The following SLC13A3 variants were observed in gnomAD, a reference collection of about 807,000 sequenced individuals.
The protein encoded by SLC13A3 is Na(+)/dicarboxylate cotransporter 3.
SLC13A3 carries 40 observed loss-of-function variants against 59.0 expected under a neutral mutation model. The observed-to-expected ratio is 0.68, with a 90% CI of 0.53 to 0.88. The LOEUF is 0.88. SLC13A3 is among the 40% of genes least tolerant of loss of function. The probability of loss-of-function intolerance (pLI) is 0.00; values close to 1 mark genes in which losing one functional copy is unlikely to be tolerated. For synonymous variants in SLC13A3, 317 were observed against 330.3 expected (o/e 0.96, Z 0.44); for missense variants, 699 against 783.2 (o/e 0.89, Z 1.28).
At chr20:46,639,091 A>G (rs528757155) in intron 1 of SLC13A3, among the ~76,000 whole-genome samples, 2 of 152,226 alleles carry the variant, frequency 1.3e-5, no homozygotes, top group South Asian at 4.2e-4. Flanking sequence ...TTCACAGATG[A>G]AGAAACTGAA....
chr20:46,594,046 G>C (rs1430065127), intron 5 of SLC13A3, among the ~76,000 whole-genome samples: 1 of 151,972 alleles, frequency 6.6e-6, no homozygotes, highest in Admixed American at 6.6e-5. Context: ...CTCTCCCCAG[G>C]CTTCTCCTGT....
At chr20:46,562,724 T>C (rs1235545872) in intron 12 of SLC13A3, among the ~76,000 whole-genome samples, 4 of 152,078 alleles carry the variant, frequency 2.6e-5, no homozygotes, top group Admixed American at 2.6e-4. Context: ...AACGAACAAA[T>C]CAATGAGTCT....
chr20:46,584,199 T>C, intron 8 of SLC13A3: 3 of 985,376 alleles, frequency 3.0e-6, no homozygotes, highest in Non-Finnish European at 3.6e-6. Flanking sequence ...TTTGCGCACA[T>C]TAAGCCCTCG....
At chr20:46,574,687 G>C (rs1329946855) in intron 10 of SLC13A3, among the ~76,000 whole-genome samples, 4 of 152,138 alleles carry the variant, frequency 2.6e-5, no homozygotes, top group Non-Finnish European at 5.9e-5. Flanking sequence ...TTCTAATCCT[G>C]ACTCCATAGC....
intron 1 of SLC13A3, among the ~76,000 whole-genome samples, chr20:46,681,505 C>A (rs984450784): frequency 6.8e-6 from 1 of 147,958 alleles, no homozygotes; most frequent in Admixed American, 6.6e-5. Context: ...TTTACCTGTT[C>A]GCACCAAGAA....
At chr20:46,640,359 G>A (rs896522005) in intron 1 of SLC13A3, among the ~76,000 whole-genome samples, 1 of 152,108 alleles carries the variant, frequency 6.6e-6, no homozygotes, top group African/African-American at 2.4e-5. Flanking sequence ...TGACCGGCAG[G>A]GCAGGGGCTT....
chr20:46,650,794 A>G (rs927815694), intron 1 of SLC13A3, among the ~76,000 whole-genome samples: 1 of 152,190 alleles, frequency 6.6e-6, no homozygotes, highest in South Asian at 2.1e-4. Context: ...TGCTAGGCAC[A>G]GTGGTTCACG....
chr20:46,566,472 A>G (rs1361274399), intron 10 of SLC13A3, 82 bp from the exon 11 acceptor site: 4 of 1,469,986 alleles, frequency 2.7e-6, no homozygotes, highest in Middle Eastern at 3.6e-4. Context: ...AGATCACAAC[A>G]ATGACGACCA....
At chr20:46,604,613 T>A (rs1327849065) in intron 3 of SLC13A3, among the ~76,000 whole-genome samples, 1 of 152,086 alleles carries the variant, frequency 6.6e-6, no homozygotes, top group Non-Finnish European at 1.5e-5. Flanking sequence ...GTTGGTACCA[T>A]GAGGGAACAG....
intron 1 of SLC13A3, among the ~76,000 whole-genome samples, chr20:46,663,387 ATGAGCTATAAT>A (rs1314585773): frequency 6.6e-6 from 1 of 151,946 alleles, no homozygotes; most frequent in Admixed American, 6.6e-5. Context: ...GAAGGGTACA[ATGAGCTATAAT>A]TGTGCCACTA....
intron 1 of SLC13A3, among the ~76,000 whole-genome samples, chr20:46,616,641 G>A (rs2062558203): frequency 6.6e-6 from 1 of 152,182 alleles, no homozygotes; most frequent in African/African-American, 2.4e-5. Context: ...CAGAGATAGA[G>A]GGCAGGCCCG....
Position 46,614,784 on chromosome 20 carries a change from A to G in SLC13A3, c.112-1059T>C, listed in dbSNP as rs371294127. Among the ~76,000 whole-genome samples, 12 of 152,332 alleles carry G rather than the reference A, an allele frequency of 7.9e-5. 1 individual carries two copies. Among genetic ancestry groups the G allele is most frequent in the South Asian group, 6.2e-4 (3 of 4,822 alleles). The stretch of plus-strand genomic sequence containing the variant: ...GGGTAGACCAAAGCAATCTACCTCC[A>G]CAGCCAGACCTTCATACAAGTGCCC... On this transcript the variant is annotated intron_variant, in intron 1 of 12. Coordinates refer to ENST00000279027, the MANE Select transcript of SLC13A3 (RefSeq NM_022829.6).
intron 5 of SLC13A3, among the ~76,000 whole-genome samples, chr20:46,593,538 T>C (rs1026869917): frequency 5.3e-5 from 8 of 152,324 alleles, no homozygotes; most frequent in African/African-American, 1.7e-4. Context: ...TATTTCCTCC[T>C]TTTTCTCTAC....
chr20:46,613,832 AG>A, intron 1 of SLC13A3, 107 bp from the exon 2 acceptor site: 1 of 962,406 alleles, frequency 1.0e-6, no homozygotes, highest in Non-Finnish European at 1.5e-6. Flanking sequence ...CTGGGGGCAG[AG>A]GGGGAAGGAG....
chr20:46,663,911 C>T (rs1730102442), intron 1 of SLC13A3, among the ~76,000 whole-genome samples: 1 of 152,154 alleles, frequency 6.6e-6, no homozygotes, highest in Non-Finnish European at 1.5e-5. Flanking sequence ...AGTGAGTATC[C>T]TTCATGCACC....
At chr20:46,570,796 T>C (rs185328450) in intron 10 of SLC13A3, among the ~76,000 whole-genome samples, 16 of 152,336 alleles carry the variant, frequency 1.1e-4, no homozygotes, top group Admixed American at 3.9e-4. Flanking sequence ...CTCAGTGATT[T>C]GCCCAAATAA....
At chr20:46,582,108 C>T (rs1041104807) in intron 9 of SLC13A3, among the ~76,000 whole-genome samples, 9 of 151,942 alleles carry the variant, frequency 5.9e-5, no homozygotes, top group Admixed American at 5.2e-4. Context: ...GGTAATGTAG[C>T]AAGACCCCTG....
At chr20:46,670,115 T>G (rs2063082576) in exon 1 of SLC13A3, 1 of 152,194 alleles carries the variant, frequency 6.6e-6, no homozygotes, top group African/African-American at 2.4e-5. Flanking sequence ...ATATGTAGCT[T>G]CCTTTGGACC....
chr20:46,574,934 AC>A (rs1165213722), intron 10 of SLC13A3, among the ~76,000 whole-genome samples: 1 of 149,738 alleles, frequency 6.7e-6, no homozygotes, highest in Non-Finnish European at 1.5e-5. Context: ...GCCTAGGACC[AC>A]CACACCTGGC....
Sources: allele counts gnomAD v4.1 joint callset (sites outside exome capture counted in the v4.1 genomes callset), GRCh38; gene constraint gnomAD v4.1.1; transcripts MANE v1.5; gene names NCBI Gene and HGNC (gene_info 2026-07-23, HGNC 2026-07-21).